Variants in CUL5 observed in about 807,000 individuals in gnomAD.
CUL5 encodes cullin-5.
A neutral mutation model predicts 108.8 loss-of-function variants in CUL5; 26 were observed. The observed-to-expected ratio is 0.24, with a 90% confidence interval of 0.18 to 0.33. The LOEUF is 0.33. CUL5 is among the 10% of genes least tolerant of loss of function. The probability of loss-of-function intolerance (pLI) is 1.00; values close to 1 mark genes in which losing one functional copy is unlikely to be tolerated. For synonymous variants in CUL5, 334 were observed against 298.0 expected, an observed-to-expected ratio of 1.12 and a Z score of -1.25; for missense variants, 524 against 909.2, an observed-to-expected ratio of 0.58 and a Z score of 5.45.
At chr11:108,009,773 C>T (rs1862017136) in intron 1 of CUL5, among the ~76,000 whole-genome samples, 1 of 152,204 alleles carries the variant, frequency 6.6e-6, no homozygotes, top group African/African-American at 2.4e-5. Flanking sequence ...TGCTGCCTAA[C>T]AGGTTTCAGT....
At chr11:108,100,840 C>T (rs1033043713) in intron 18 of CUL5, among the ~76,000 whole-genome samples, 6 of 152,098 alleles carry the variant, frequency 3.9e-5, no homozygotes, top group East Asian at 1.9e-4. Flanking sequence ...ACCATCCTGG[C>T]CAACATGGTG....
chr11:108,095,322 T>A (rs1276628515), intron 15 of CUL5, among the ~76,000 whole-genome samples: 1 of 152,218 alleles, frequency 6.6e-6, no homozygotes, highest in Non-Finnish European at 1.5e-5. Context: ...CCGCCAGTAC[T>A]CAGTCACTTG....
chr11:108,066,891 T>A (rs923538372), intron 7 of CUL5, among the ~76,000 whole-genome samples: 3 of 152,220 alleles, frequency 2.0e-5, no homozygotes, highest in Non-Finnish European at 2.9e-5. Context: ...GTATATAGTT[T>A]ATGGGTTTCC....
At chr11:108,030,245 T>A (rs1354305392) in intron 1 of CUL5, among the ~76,000 whole-genome samples, 1 of 152,200 alleles carries the variant, frequency 6.6e-6, no homozygotes, top group African/African-American at 2.4e-5. Flanking sequence ...CGTGATTCAT[T>A]TAAGTCCATA....
At chr11:108,016,596 G>T (rs74735899) in intron 1 of CUL5, among the ~76,000 whole-genome samples, 7,418 of 152,242 alleles carry the variant, frequency 0.049, 233 homozygotes, top group Non-Finnish European at 0.073. Context: ...GGTGAACCCA[G>T]TTGTCAGTAA....
chr11:108,099,790 C>A (rs1864603758), intron 18 of CUL5, among the ~76,000 whole-genome samples: 4 of 151,784 alleles, frequency 2.6e-5, no homozygotes, highest in Admixed American at 2.6e-4. Flanking sequence ...TCTGCCAGTT[C>A]TAGGTTTTCA....
intron 11 of CUL5, among the ~76,000 whole-genome samples, chr11:108,079,545 C>A (rs1591320976): frequency 6.6e-6 from 1 of 152,184 alleles, no homozygotes; most frequent in Non-Finnish European, 1.5e-5. Context: ...GCATCAGTAA[C>A]CTTTAGTCCC....
chr11:108,014,091 A>G (rs537590609), intron 1 of CUL5, among the ~76,000 whole-genome samples: 15 of 152,344 alleles, frequency 9.8e-5, no homozygotes, highest in Non-Finnish European at 1.6e-4. Context: ...TGTGTTACCA[A>G]CTGCTCTATG....
chr11:108,077,104 G>A (rs958362250), intron 10 of CUL5, among the ~76,000 whole-genome samples: 8 of 152,190 alleles, frequency 5.3e-5, no homozygotes, highest in Non-Finnish European at 1.0e-4. Flanking sequence ...GTAATGATTG[G>A]AGATAGAAAA....
chr11:108,075,113 C>T (rs776462900), intron 10 of CUL5, among the ~76,000 whole-genome samples: 1 of 150,940 alleles, frequency 6.6e-6, no homozygotes, highest in Non-Finnish European at 1.5e-5. Flanking sequence ...CAGTTAAGAA[C>T]TTATTTAAAT....
Position 108,070,157 on chromosome 11 carries a change from G to A in CUL5, c.842G>A (p.Cys281Tyr). 6.2e-7 allele frequency: 1 copy of A among 1,612,240 alleles called. No individual in the cohort carries two copies. The highest frequency in any genetic ancestry group is 8.5e-7 in the Non-Finnish European group (1 of 1,178,782). The change falls in exon 8 of 19, where the codon TGC becomes TAC. Residue 281 changes from cysteine to tyrosine, a missense_variant. Cys to Tyr is a radical substitution (Grantham distance 194). Around this residue, in one of 8 missense-constraint regions of CUL5, gnomAD observed 170 missense variants for 305.1 expected, o/e 0.56. Transcript: ENST00000393094. ...TTTAAAGAGACTATCTTAGCTGAGT[G>A]CCAAGGCATGATCAAGAGAAATGAA... is the stretch of plus-strand genomic sequence containing the variant. ...TSFKETILAECQGMIKRNETE... is the reference protein window; with the variant it reads ...TSFKETILAEYQGMIKRNETE...
chr11:108,054,837 G>A (rs566273598), intron 6 of CUL5, 38 bp from the exon 7 acceptor site: 2 of 1,601,480 alleles, frequency 1.2e-6, no homozygotes, highest in South Asian at 2.3e-5. Context: ...CAATTCCCTT[G>A]ATATTCTTAA....
chr11:108,088,862 A>G (rs879174965), intron 12 of CUL5, among the ~76,000 whole-genome samples: 2 of 152,118 alleles, frequency 1.3e-5, no homozygotes, highest in Admixed American at 1.3e-4. Context: ...TGAAAGGAAT[A>G]CCATTTAATT....
At chr11:108,065,762 T>A (rs1863661643) in intron 7 of CUL5, among the ~76,000 whole-genome samples, 1 of 152,194 alleles carries the variant, frequency 6.6e-6, no homozygotes, top group South Asian at 2.1e-4. Flanking sequence ...CCAGGTACTA[T>A]GAGTGCCCAC....
intron 13 of CUL5, among the ~76,000 whole-genome samples, chr11:108,090,703 G>A (rs1210950780): frequency 6.6e-6 from 1 of 151,602 alleles, no homozygotes; most frequent in African/African-American, 2.4e-5. Context: ...TTCTTTTTTT[G>A]TTTTAATTAT....
chr11:108,025,629 C>T (rs538999206), intron 1 of CUL5, among the ~76,000 whole-genome samples: 2 of 152,252 alleles, frequency 1.3e-5, no homozygotes, highest in African/African-American at 4.8e-5. Context: ...CTGTTTCTGG[C>T]CCTGTGTGCA....
chr11:108,088,097 G>T (rs1864265851), intron 11 of CUL5, among the ~76,000 whole-genome samples: 1 of 151,556 alleles, frequency 6.6e-6, no homozygotes, highest in African/African-American at 2.4e-5. Flanking sequence ...TGGAATGTAG[G>T]TTATATTGGA....
Position 108,009,386 on chromosome 11 carries a change from T to G in CUL5, c.24+14T>G, listed in dbSNP as rs755388563. On this transcript the variant is annotated intron_variant, in intron 1 of 18. Transcript: ENST00000393094. The stretch of plus-strand genomic sequence containing the variant: ...AATCTGTTAAAGGTAAGACCCTCAC[T>G]CCAGCTTGGGTTTTACTGTGTGGCC... 1.9e-6 allele frequency: 3 copies of G among 1,613,498 alleles called. No homozygotes were observed. The highest frequency in any genetic ancestry group is 1.1e-5 in the South Asian group (1 of 91,008).
intron 3 of CUL5, among the ~76,000 whole-genome samples, chr11:108,046,710 T>C (rs1043485462): frequency 6.6e-6 from 1 of 152,194 alleles, no homozygotes; most frequent in Non-Finnish European, 1.5e-5. Flanking sequence ...ATACCTCTTC[T>C]CAAGTTGACA....
Sources: gnomAD v4.1 joint callset for allele counts (sites outside exome capture counted in the v4.1 genomes callset) on GRCh38, gnomAD v4.1.1 for gene constraint, gnomAD v4.1.1 regional missense constraint, MANE v1.5 for transcripts, NCBI Gene and HGNC (gene_info 2026-07-23, HGNC 2026-07-21) for gene names.